The following PKIA variants were observed in gnomAD, a reference collection of about 807,000 sequenced individuals.
PKIA encodes the protein PKI-alpha.
In PKIA, 4 loss-of-function variants were observed where a neutral mutation model predicts 7.6. The observed-to-expected ratio is 0.52, with a 90% confidence interval of 0.26 to 1.20. The LOEUF (loss-of-function observed/expected upper bound fraction) is 1.20. PKIA is among the 50% of genes most tolerant of loss of function. PKIA has a pLI of 0.13. For synonymous variants in PKIA, 21 were observed against 30.7 expected (o/e 0.68, Z 1.04); for missense variants, 73 against 86.2 (o/e 0.85, Z 0.61).
chr8:78,558,270 G>A (rs944876486), intron 1 of PKIA, among the ~76,000 whole-genome samples: 4 of 152,126 alleles, frequency 2.6e-5, no homozygotes, highest in Non-Finnish European at 5.9e-5. Context: ...GGCAGGGATG[G>A]AATTCAAACC....
intron 2 of PKIA, 99 bp downstream of exon 2, chr8:78,573,038 C>A (rs1273873027): frequency 1.3e-5 from 2 of 151,936 alleles, no homozygotes; most frequent in African/African-American, 4.8e-5. Context: ...TCTAACCTAC[C>A]CTACAAGGAA....
At chr8:78,539,068 A>G (rs1806607739) in intron 1 of PKIA, among the ~76,000 whole-genome samples, 1 of 152,120 alleles carries the variant, frequency 6.6e-6, no homozygotes, top group Non-Finnish European at 1.5e-5. Context: ...GTATATTGGC[A>G]GGCCTGGAAA....
At chr8:78,594,639 A>G (rs1403502562) in intron 2 of PKIA, among the ~76,000 whole-genome samples, 1 of 152,136 alleles carries the variant, frequency 6.6e-6, no homozygotes, top group African/African-American at 2.4e-5. Context: ...AATCAGTATG[A>G]CCTGGCAAGT....
chr8:78,579,578 G>A (rs978915155), intron 2 of PKIA, among the ~76,000 whole-genome samples: 3 of 152,034 alleles, frequency 2.0e-5, no homozygotes, highest in African/African-American at 7.2e-5. Context: ...TCATTTTGTG[G>A]AGGCATTTGG....
intron 2 of PKIA, among the ~76,000 whole-genome samples, chr8:78,579,446 G>A (rs1404996366): frequency 6.6e-6 from 1 of 151,666 alleles, no homozygotes; most frequent in Non-Finnish European, 1.5e-5. Flanking sequence ...TCACACACTC[G>A]CCTCTAGAAT....
At chr8:78,576,990 A>G (rs1473250782) in intron 2 of PKIA, among the ~76,000 whole-genome samples, 1 of 151,986 alleles carries the variant, frequency 6.6e-6, no homozygotes, top group Non-Finnish European at 1.5e-5. Context: ...ACCATGGAAT[A>G]GTATGTAGCC....
At chr8:78,577,620 A>T (rs1807706002) in intron 2 of PKIA, among the ~76,000 whole-genome samples, 1 of 152,006 alleles carries the variant, frequency 6.6e-6, no homozygotes, top group Non-Finnish European at 1.5e-5. Context: ...ACTACAATTT[A>T]TATACTAAAC....
intron 1 of PKIA, among the ~76,000 whole-genome samples, chr8:78,569,294 G>C (rs181299476): frequency 6.6e-6 from 1 of 152,266 alleles, no homozygotes; most frequent in Admixed American, 6.5e-5. Flanking sequence ...GTCTGTTAGA[G>C]TGCTGAGCCT....
intron 2 of PKIA, among the ~76,000 whole-genome samples, chr8:78,576,749 G>A (rs1199507114): frequency 1.3e-5 from 2 of 151,938 alleles, no homozygotes; most frequent in African/African-American, 4.8e-5. Context: ...CAGTGGCATA[G>A]TGAGATATTT....
chr8:78,558,598 T>G (rs1554581377), intron 1 of PKIA: 2 of 136,284 alleles, frequency 1.5e-5, no homozygotes, highest in African/African-American at 5.4e-5. Flanking sequence ...ACCACCCCCT[T>G]CCCCCCCGCC....
At chr8:78,528,202 T>C (rs527316733) in intron 1 of PKIA, among the ~76,000 whole-genome samples, 12 of 152,234 alleles carry the variant, frequency 7.9e-5, no homozygotes, top group Non-Finnish European at 1.8e-4. Flanking sequence ...GAACCAAATT[T>C]GGTCTGGCAT....
In PKIA at chr8:78,592,281, G is replaced by T. The variant is rs549197701; in HGVS notation, c.-27-6077G>T. Reference sequence around the variant, plus strand: ...GTGTTCCTTCATTCACATATTTGTTGTGTGCTATTTGTTAGCTATTGCTCT... The same window carrying T: ...GTGTTCCTTCATTCACATATTTGTTTTGTGCTATTTGTTAGCTATTGCTCT... On this transcript the variant is annotated intron_variant, in intron 2 of 3. Transcript: ENST00000396418. Among the ~76,000 whole-genome samples, 28 of 152,128 alleles carry T rather than the reference G, an allele frequency of 1.8e-4. No homozygotes were observed. The South Asian group carries it at 2.9e-3, about 16-fold the overall frequency.
At chr8:78,586,873 T>C (rs1807960656) in intron 2 of PKIA, among the ~76,000 whole-genome samples, 1 of 152,210 alleles carries the variant, frequency 6.6e-6, no homozygotes, top group African/African-American at 2.4e-5. Context: ...TAAAGTGAGA[T>C]AATGAGAATA....
intron 1 of PKIA, chr8:78,534,409 G>A (rs1386122925): frequency 6.6e-6 from 1 of 152,104 alleles, no homozygotes; most frequent in Non-Finnish European, 1.5e-5. Flanking sequence ...AAAGGACGTT[G>A]TCAAGTTATT....
chr8:78,598,209 A>C (rs1028995338), intron 2 of PKIA, 149 bp from the exon 3 acceptor site: 2 of 386,408 alleles, frequency 5.2e-6, no homozygotes, highest in Non-Finnish European at 9.2e-6. Context: ...CAGACCTTTG[A>C]TCTAAATACT....
At chr8:78,584,939 A>G (rs1441263080) in intron 2 of PKIA, among the ~76,000 whole-genome samples, 1 of 151,986 alleles carries the variant, frequency 6.6e-6, no homozygotes, top group East Asian at 1.9e-4. Context: ...TATTCCTGGT[A>G]ATGGAATAGA....
intron 2 of PKIA, among the ~76,000 whole-genome samples, chr8:78,581,495 T>C (rs1807805551): frequency 6.6e-6 from 1 of 152,094 alleles, no homozygotes; most frequent in African/African-American, 2.4e-5. Flanking sequence ...GTAAAATTAG[T>C]ATCCCAATAA....
At chr8:78,570,818 A>G (rs934278760) in intron 1 of PKIA, among the ~76,000 whole-genome samples, 1 of 151,872 alleles carries the variant, frequency 6.6e-6, no homozygotes, top group Non-Finnish European at 1.5e-5. Flanking sequence ...TTTTCTTTCT[A>G]CTGTGAATTT....
intron 1 of PKIA, among the ~76,000 whole-genome samples, chr8:78,557,552 GA>G (rs1414650418): frequency 3.0e-4 from 46 of 151,928 alleles, no homozygotes; most frequent in Non-Finnish European, 2.9e-5. Flanking sequence ...CAGAACATGG[GA>G]AAAAAAGGAA....
Sources: gnomAD v4.1 joint callset for allele counts (sites outside exome capture counted in the v4.1 genomes callset) on GRCh38, gnomAD v4.1.1 for gene constraint, MANE v1.5 for transcripts, NCBI Gene and HGNC (gene_info 2026-07-23, HGNC 2026-07-21) for gene names.